AMZ1: variants seen among roughly 807,000 people sequenced by gnomAD.
AMZ1 encodes the protein archaemetzincin-1.
A neutral mutation model predicts 29.9 loss-of-function variants in AMZ1; 39 were observed. The observed-to-expected ratio is 1.30, with a 90% CI of 1.01 to 1.70. The LOEUF (loss-of-function observed/expected upper bound fraction) is 1.70, where lower values mean the gene tolerates loss of function less well. Among genes scored for constraint, AMZ1 ranks in the 40% most tolerant of loss-of-function variants. The probability of loss-of-function intolerance (pLI) is 0.00; values close to 1 mark genes in which losing one functional copy is unlikely to be tolerated. For synonymous variants in AMZ1, 458 were observed against 304.0 expected (o/e 1.51, Z -5.27); for missense variants, 1,041 against 680.6 (o/e 1.53, Z -5.89).
At chr7:2,694,118 G>T (rs2115065188) in intron 1 of AMZ1, among the ~76,000 whole-genome samples, 1 of 152,280 alleles carries the variant, frequency 6.6e-6, no homozygotes, top group East Asian at 1.9e-4. Context: ...TGTCTGTGAG[G>T]GTGCTCGAGA....
intron 4 of AMZ1, among the ~76,000 whole-genome samples, chr7:2,739,891 T>C (rs1790411934): frequency 6.6e-6 from 1 of 152,192 alleles, no homozygotes; most frequent in Admixed American, 6.5e-5. Context: ...CAGGCTGGTC[T>C]CGAACTCCTG....
Position 2,700,385 on chromosome 7 carries a change from C to G in AMZ1, c.-67C>G. ...GGAAGATTCTGGACGAGACCGTGGC[C>G]GTCCCCCGGGTGGCCCATGGACAGC... On this transcript the variant is annotated 5_prime_UTR_variant, in exon 2 of 7. Transcript: ENST00000683327. 1.3e-6 allele frequency: 2 copies of G among 1,531,996 alleles called. No individual in the cohort carries two copies. Among genetic ancestry groups the G allele is most frequent in the Non-Finnish European group, 1.8e-6 (2 of 1,140,072 alleles). The allele number at this position is 1,531,996 out of a possible 1,614,324, so 94.9% of individuals were successfully genotyped here.
rs569159029 is a variant in AMZ1 at position 2,689,261 on chromosome 7, G to A, written c.-219+965G>A. The stretch of plus-strand genomic sequence containing the variant: ...AGGCCAGGCATCTGCGTGGTCAGAT[G>A]GGGGAGCATGAGTGCCCGGAGCTGT... On this transcript the variant is annotated intron_variant, in intron 1 of 6. Transcript: ENST00000683327. Among the ~76,000 whole-genome samples, 40 of 152,330 alleles carry A rather than the reference G, an allele frequency of 2.6e-4. No individual in the cohort carries two copies. The South Asian group carries it at 7.9e-3, about 30-fold the overall frequency.
rs1789106089 is a variant in AMZ1 at position 2,716,079 on chromosome 7, A to C, written c.*3201A>C. The C allele has an allele frequency of 6.6e-6, 1 of 152,210 alleles. No individual in the cohort carries two copies. Among genetic ancestry groups the C allele is most frequent in the Admixed American group, 6.5e-5 (1 of 15,284 alleles). The allele number at this position is 152,210 out of a possible 1,614,324, so 9.4% of individuals were successfully genotyped here. A position where few individuals can be genotyped will look rare whatever the true frequency, so the allele number is the denominator to read the frequency against. ...AAGTCAGCGGGGCCTCATGGAGCTA[A>C]AAATAGTTTCAGGTCATGACAGATG... On this transcript the variant is annotated 3_prime_UTR_variant, in exon 7 of 7. Coordinates refer to ENST00000683327, the MANE Select transcript of AMZ1 (RefSeq NM_001384743.1).
chr7:2,712,239 G>C (rs1001065331), intron 6 of AMZ1, 91 bp from the exon 7 acceptor site: 50 of 1,370,478 alleles, frequency 3.6e-5, no homozygotes, highest in Non-Finnish European at 4.8e-5. Flanking sequence ...GAGGACGGTG[G>C]GGTCCCCTTA....
intron 1 of AMZ1, among the ~76,000 whole-genome samples, chr7:2,698,507 T>C (rs1009316461): frequency 5.3e-5 from 8 of 151,718 alleles, no homozygotes; most frequent in East Asian, 1.9e-4. Flanking sequence ...CACTGCATTC[T>C]AGCCTGGGCG....
chr7:2,762,259 T>A (rs942821824), upstream of AMZ1: 14 of 214,706 alleles, frequency 6.5e-5, no homozygotes, highest in African/African-American at 9.1e-5. Flanking sequence ...CCACCCTGAC[T>A]TAGGGTCGTC....
At chr7:2,740,431 C>T (rs1012338074) in intron 4 of AMZ1, among the ~76,000 whole-genome samples, 1 of 152,114 alleles carries the variant, frequency 6.6e-6, no homozygotes, top group African/African-American at 2.4e-5. Flanking sequence ...AGAAGCTGGC[C>T]GTCTGCAAGC....
intron 2 of AMZ1, chr7:2,702,371 C>T (rs960804717): frequency 2.7e-4 from 65 of 241,964 alleles, no homozygotes; most frequent in Non-Finnish European, 4.6e-4. Flanking sequence ...CATTTTGCAG[C>T]GAGGTGGCTC....
chr7:2,733,056 A>G (rs551170249), intron 4 of AMZ1, among the ~76,000 whole-genome samples: 1 of 152,352 alleles, frequency 6.6e-6, no homozygotes, highest in Non-Finnish European at 1.5e-5. Flanking sequence ...ACACTCTAAA[A>G]TATTCTCTGC....
At chr7:2,684,932 C>T (rs377508890), upstream of AMZ1, among the ~76,000 whole-genome samples, 25 of 149,094 alleles carry the variant, frequency 1.7e-4, no homozygotes, top group African/African-American at 5.2e-4. Context: ...TGCAGTGGCG[C>T]GATCTCAGCT....
At chr7:2,755,369 T>C (rs1298859646) in intron 4 of AMZ1, among the ~76,000 whole-genome samples, 1 of 152,252 alleles carries the variant, frequency 6.6e-6, no homozygotes, top group Non-Finnish European at 1.5e-5. Context: ...TTGACAGCAC[T>C]GAGTTTTCCA....
At chr7:2,753,604 G>A (rs1013675503) in intron 4 of AMZ1, among the ~76,000 whole-genome samples, 1 of 152,088 alleles carries the variant, frequency 6.6e-6, no homozygotes, top group African/African-American at 2.4e-5. Flanking sequence ...AGACATTTTG[G>A]TTGTTTCTGT....
At chr7:2,746,454 T>C (rs1790767916) in intron 4 of AMZ1, among the ~76,000 whole-genome samples, 1 of 152,120 alleles carries the variant, frequency 6.6e-6, no homozygotes, top group African/African-American at 2.4e-5. Flanking sequence ...GAAATAAAGA[T>C]GTTCTTTGAA....
At chr7:2,724,910 C>A (rs569890352) in intron 4 of AMZ1, among the ~76,000 whole-genome samples, 4 of 152,336 alleles carry the variant, frequency 2.6e-5, no homozygotes, top group Admixed American at 6.5e-5. Context: ...CCCCGCCACA[C>A]CCGGATCCGC....
chr7:2,682,758 C>T lies in AMZ1; in HGVS notation c.-219+3087C>T, dbSNP rs537756634. Among the ~76,000 whole-genome samples, 26 of 152,176 alleles carry T rather than the reference C, an allele frequency of 1.7e-4. No homozygotes were observed. The South Asian group carries it at 5.2e-3, about 30-fold the overall frequency. ...CCCTGGCCCTCAGCAACCCCCCTCC[C>T]CAGATGCGGCCTCATCTCTTCTCCA... On this transcript the variant is annotated intron_variant, in intron 1 of 6. Coordinates refer to the AMZ1 transcript ENST00000312371.
chr7:2,712,986 G>A lies in AMZ1; in HGVS notation c.*108G>A, dbSNP rs1788899909. On this transcript the variant is annotated 3_prime_UTR_variant, in exon 7 of 7. Transcript: ENST00000683327. ...AGGGATAAAGAGGAAGGGTCTGCCT[G>A]GGTGGTGGCTCAGGCCTGTCATCCC... The A allele has an allele frequency of 3.2e-6, 4 of 1,264,014 alleles. No homozygotes were observed. Among genetic ancestry groups the A allele is most frequent in the Admixed American group, 7.1e-5 (2 of 28,220 alleles). 78.3% of individuals were successfully genotyped at this position (1,264,014 alleles called of 1,614,324 possible). A position where few individuals can be genotyped will look rare whatever the true frequency, so the allele number is the denominator to read the frequency against.
downstream of AMZ1, among the ~76,000 whole-genome samples, chr7:2,722,574 A>C (rs1014706353): frequency 3.3e-5 from 5 of 152,150 alleles, no homozygotes; most frequent in African/African-American, 1.2e-4. Context: ...CCCAGCCAGG[A>C]CATTTTGAAT....
In AMZ1 at chr7:2,713,250, AAAG is replaced by A. The variant is rs538191469; in HGVS notation, c.*373_*375del. On this transcript the variant is annotated 3_prime_UTR_variant, in exon 7 of 7. Coordinates refer to ENST00000683327, the MANE Select transcript of AMZ1 (RefSeq NM_001384743.1). ...CAGAAAGACTGTCTCCAGAAAAAAA[AAAG>A]TTCTTTGGAGAAGCCACAGACCACC... The A allele has an allele frequency of 1.5e-3, 244 of 164,230 alleles. No homozygotes were observed. Among genetic ancestry groups the A allele is most frequent in the African/African-American group, 5.7e-3 (241 of 42,056 alleles). The allele number at this position is 164,230 out of a possible 1,614,324, so 10.2% of individuals were successfully genotyped here. A position where few individuals can be genotyped will look rare whatever the true frequency, so the allele number is the denominator to read the frequency against.
Sources: allele counts gnomAD v4.1 joint callset (sites outside exome capture counted in the v4.1 genomes callset), GRCh38; gene constraint gnomAD v4.1.1; transcripts MANE v1.5; gene names NCBI Gene and HGNC (gene_info 2026-07-23, HGNC 2026-07-21).